TEAD1: variants seen among roughly 807,000 people sequenced by gnomAD.
The protein encoded by TEAD1 is TEA domain transcription factor 1, also known as transcriptional enhancer factor TEF-1.
A neutral mutation model predicts 54.9 loss-of-function variants in TEAD1; 9 were observed. The observed-to-expected ratio is 0.16, with a 90% confidence interval of 0.10 to 0.29. The LOEUF is 0.29. TEAD1 is among the 10% of genes least tolerant of loss of function. The pLI, the probability that TEAD1 is intolerant of heterozygous loss-of-function variation, is 1.00. For missense variants in TEAD1, 387 were observed against 535.9 expected, an observed-to-expected ratio of 0.72 and a Z score of 2.74; for synonymous variants, 200 against 187.8, an observed-to-expected ratio of 1.07 and a Z score of -0.53.
chr11:12,896,271 T>C (rs962094107), intron 9 of TEAD1, among the ~76,000 whole-genome samples: 6 of 152,226 alleles, frequency 3.9e-5, no homozygotes, highest in Non-Finnish European at 7.3e-5. Context: ...TCCGCTCTCT[T>C]GGTGACATCC....
chr11:12,852,710 A>G (rs1161622387), intron 3 of TEAD1, among the ~76,000 whole-genome samples: 3 of 152,116 alleles, frequency 2.0e-5, no homozygotes, highest in Non-Finnish European at 2.9e-5. Context: ...GGCCTCCCAA[A>G]GTGCTGGGAT....
Position 12,826,563 on chromosome 11 carries a change from G to A in TEAD1, c.203-35687G>A, listed in dbSNP as rs574819936. Among the ~76,000 whole-genome samples, 3 of 152,234 alleles carry A rather than the reference G, an allele frequency of 2.0e-5. No individual in the cohort carries two copies. In the East Asian group the frequency reaches 5.8e-4, roughly 29 times the overall value. ...ATCACGGTGTGATAAATTAGCATGGGATTTGAAATCAACCTGTTTGGGTTC... is the reference window on the plus strand; with the variant it reads ...ATCACGGTGTGATAAATTAGCATGGAATTTGAAATCAACCTGTTTGGGTTC... On this transcript the variant is annotated intron_variant, in intron 3 of 12. Transcript: ENST00000527636.
chr11:12,792,536 G>A (rs2133963466), intron 3 of TEAD1, among the ~76,000 whole-genome samples: 1 of 152,240 alleles, frequency 6.6e-6, no homozygotes, highest in South Asian at 2.1e-4. Context: ...TTGTTCTCAG[G>A]ACTCTGCTGC....
chr11:12,760,783 G>A (rs1191110523), intron 2 of TEAD1, among the ~76,000 whole-genome samples: 1 of 152,194 alleles, frequency 6.6e-6, no homozygotes, highest in Non-Finnish European at 1.5e-5. Context: ...CCAGGATGAG[G>A]TGGAGTTTGA....
chr11:12,758,733 A>G (rs979315117), intron 2 of TEAD1, among the ~76,000 whole-genome samples: 2 of 151,958 alleles, frequency 1.3e-5, no homozygotes, highest in African/African-American at 2.4e-5. Flanking sequence ...AATAGAGGCA[A>G]GGTTTCACCA....
chr11:12,775,729 T>C (rs1465372396), intron 3 of TEAD1, among the ~76,000 whole-genome samples: 1 of 152,198 alleles, frequency 6.6e-6, no homozygotes, highest in Non-Finnish European at 1.5e-5. Context: ...TAATAGTGGT[T>C]GCCACAGGGA....
chr11:12,895,205 C>G lies in TEAD1; in HGVS notation c.700-6735C>G, dbSNP rs183639307. Among the ~76,000 whole-genome samples, 44 of 152,238 alleles carry G rather than the reference C, an allele frequency of 2.9e-4. 1 individual carries two copies. In the East Asian group the frequency reaches 5.2e-3, roughly 18 times the overall value. On this transcript the variant is annotated intron_variant, in intron 9 of 12. Transcript: ENST00000527636. The stretch of plus-strand genomic sequence containing the variant: ...AGACGAAAGTCCTTTATTAACCCCC[C>G]CCGGGTATCTCAGAAGCCCTTTGCA...
intron 5 of TEAD1, among the ~76,000 whole-genome samples, chr11:12,876,259 T>C (rs973551510): frequency 4.6e-5 from 7 of 152,168 alleles, no homozygotes; most frequent in Non-Finnish European, 8.8e-5. Flanking sequence ...CACTGACTGA[T>C]TTCCGTTTCA....
chr11:12,874,987 C>T (rs1947826473), intron 5 of TEAD1, among the ~76,000 whole-genome samples: 1 of 152,128 alleles, frequency 6.6e-6, no homozygotes, highest in South Asian at 2.1e-4. Context: ...TTTTCTTATT[C>T]TTGCTCATAT....
At chr11:12,935,339 T>C (rs1402542322) in intron 12 of TEAD1, among the ~76,000 whole-genome samples, 4 of 152,180 alleles carry the variant, frequency 2.6e-5, no homozygotes, top group Admixed American at 6.5e-5. Flanking sequence ...TCGTATGATA[T>C]CATATGAGAC....
chr11:12,701,289 A>G (rs572027652), intron 2 of TEAD1, among the ~76,000 whole-genome samples: 21 of 152,280 alleles, frequency 1.4e-4, no homozygotes, highest in African/African-American at 4.8e-4. Context: ...AGTCAGCCAA[A>G]AAAGTTGGTT....
intron 2 of TEAD1, among the ~76,000 whole-genome samples, chr11:12,695,551 A>G (rs1049492921): frequency 4.6e-5 from 7 of 152,166 alleles, no homozygotes; most frequent in Non-Finnish European, 8.8e-5. Flanking sequence ...GGATTGATTA[A>G]TTAATTAAAA....
At chr11:12,858,617 TATTC>T (rs1440107903) in intron 3 of TEAD1, among the ~76,000 whole-genome samples, 1 of 152,234 alleles carries the variant, frequency 6.6e-6, no homozygotes, top group East Asian at 1.9e-4. Flanking sequence ...AATAATTACT[TATTC>T]ATGGCTTGAA....
At chr11:12,893,236 G>GT (rs1405986670) in intron 9 of TEAD1, among the ~76,000 whole-genome samples, 1 of 152,168 alleles carries the variant, frequency 6.6e-6, no homozygotes, top group Non-Finnish European at 1.5e-5. Flanking sequence ...TGTCTCTCAG[G>GT]TTTTTCTCAT....
Position 12,818,938 on chromosome 11 carries a change from G to A in TEAD1, c.203-43312G>A, listed in dbSNP as rs575707382. On this transcript the variant is annotated intron_variant, in intron 3 of 12. Coordinates refer to ENST00000527636, the MANE Select transcript of TEAD1 (RefSeq NM_021961.6). ...AAATAGAAAGCAGACACAAAACATA[G>A]GCTAGAGTAACAGTAAATGTATCTG... 1.3e-3 allele frequency among the ~76,000 whole-genome samples: 193 copies of A among 152,302 alleles called. 1 individual carries two copies. The highest frequency in any genetic ancestry group is 2.2e-3 in the Non-Finnish European group (152 of 68,034).
intron 10 of TEAD1, chr11:12,922,811 C>T (rs928317965): frequency 1.3e-5 from 2 of 151,046 alleles, no homozygotes; most frequent in Non-Finnish European, 2.9e-5. Context: ...TGCCTGTAAT[C>T]TCAGCTACTC....
chr11:12,799,098 G>A (rs1233509044), intron 3 of TEAD1, among the ~76,000 whole-genome samples: 1 of 152,168 alleles, frequency 6.6e-6, no homozygotes, highest in African/African-American at 2.4e-5. Context: ...TCATTGAAGA[G>A]GTGTTGTGGA....
At chr11:12,776,467 T>C (rs1314585956) in intron 3 of TEAD1, among the ~76,000 whole-genome samples, 1 of 152,170 alleles carries the variant, frequency 6.6e-6, no homozygotes, top group East Asian at 1.9e-4. Context: ...TTATCCTTTG[T>C]AATAGATTCC....
At chr11:12,800,800 A>G (rs1946042002) in intron 3 of TEAD1, among the ~76,000 whole-genome samples, 1 of 152,156 alleles carries the variant, frequency 6.6e-6, no homozygotes, top group African/African-American at 2.4e-5. Flanking sequence ...CCCAAGCACC[A>G]TGTCTTTTTC....
Sources: gnomAD v4.1 joint callset for allele counts (sites outside exome capture counted in the v4.1 genomes callset) on GRCh38, gnomAD v4.1.1 for gene constraint, MANE v1.5 for transcripts, NCBI Gene and HGNC (gene_info 2026-07-23, HGNC 2026-07-21) for gene names.